The following LAMA3 variants were observed in gnomAD, a reference collection of about 807,000 sequenced individuals.
LAMA3 encodes laminin subunit alpha 3.
Under a neutral mutation model 402.0 loss-of-function variants are expected in LAMA3, and 281 were observed. The ratio of observed to expected loss-of-function variants is 0.70; its 90% CI spans 0.63 to 0.77. The LOEUF (loss-of-function observed/expected upper bound fraction) is 0.77, where lower values mean the gene tolerates loss of function less well. Among genes scored for constraint, LAMA3 ranks in the 30% least tolerant of loss-of-function variants. The pLI is 0.00. For synonymous variants in LAMA3, 1,431 were observed against 1,558.4 expected (o/e 0.92, Z 1.93); for missense variants, 3,840 against 4,215.5 (o/e 0.91, Z 2.47).
intron 38 of LAMA3, chr18:23,872,829 C>A: frequency 1.7e-6 from 1 of 581,134 alleles, no homozygotes; most frequent in Admixed American, 2.9e-5. Context: ...ATGCCCGCCC[C>A]ACCTCACAGG....
In LAMA3 at chr18:23,846,519, G is replaced by A. The variant is rs186148189; in HGVS notation, c.3931+11G>A. 205 of 1,600,102 alleles carry A rather than the reference G, an allele frequency of 1.3e-4. No individual in the cohort carries two copies. The highest frequency in any genetic ancestry group is 1.6e-4 in the Non-Finnish European group (183 of 1,178,420). The stretch of plus-strand genomic sequence containing the variant: ...TCCCACGCTGCAAGCGTAAGTGCAC[G>A]TTTCCCATCACCCAAGTTCTGCTCT... On this transcript the variant is annotated intron_variant, in intron 31 of 74. Coordinates refer to ENST00000313654, the MANE Select transcript of LAMA3 (RefSeq NM_198129.4).
intron 32 of LAMA3, 42 bp downstream of exon 32, chr18:23,847,710 G>A (rs921186887): frequency 1.9e-6 from 3 of 1,579,200 alleles, no homozygotes; most frequent in Non-Finnish European, 2.6e-6. Context: ...TCACAGGGAG[G>A]TCGCGTGCCA....
chr18:23,925,903 T>C (rs956331560), intron 62 of LAMA3, among the ~76,000 whole-genome samples: 1 of 152,216 alleles, frequency 6.6e-6, no homozygotes, highest in African/African-American at 2.4e-5. Flanking sequence ...AAGCAAGGGC[T>C]TCAAGCCTCA....
chr18:23,795,919 A>G (rs138600162), intron 12 of LAMA3: 2 of 190,864 alleles, frequency 1.0e-5, no homozygotes, highest in Non-Finnish European at 2.3e-5. Context: ...TTAAGGTTTA[A>G]TGAGGTCATA....
intron 68 of LAMA3, among the ~76,000 whole-genome samples, chr18:23,941,468 T>A (rs1052796698): frequency 1.3e-5 from 2 of 152,198 alleles, no homozygotes; most frequent in African/African-American, 4.8e-5. Flanking sequence ...AAAGGTAAAA[T>A]TTTTTAAAAA....
chr18:23,880,189 C>G (rs533911875), intron 39 of LAMA3, among the ~76,000 whole-genome samples: 68 of 152,242 alleles, frequency 4.5e-4, no homozygotes, highest in African/African-American at 1.3e-3. Context: ...GAAGATTGTT[C>G]CCAGTGTCCA....
rs772570198 is a variant in LAMA3, at chr18:23,833,902, A to G, written c.2898A>G (p.Ala966=). The change falls in exon 24 of 75, where the codon GCA becomes GCG. Residue 966 remains alanine, a synonymous_variant. Transcript: ENST00000313654. ...YVVVVEYSTE[A]AQLFVVDVNV... ...TTGTGGTCGAGTATTCCACGGAGGCAGCTCAGCTGTTTGTGGTTGATGTGA... is the reference window on the plus strand; with the variant it reads ...TTGTGGTCGAGTATTCCACGGAGGCGGCTCAGCTGTTTGTGGTTGATGTGA... The G allele has an allele frequency of 2.5e-6, 4 of 1,614,184 alleles. No homozygotes were observed. Among genetic ancestry groups the G allele is most frequent in the South Asian group, 2.2e-5 (2 of 91,082 alleles).
intron 2 of LAMA3, among the ~76,000 whole-genome samples, chr18:23,744,442 G>T (rs1179037055): frequency 6.6e-6 from 1 of 152,142 alleles, no homozygotes. Context: ...GCCATCAGTG[G>T]ACTTATTAAG....
intron 18 of LAMA3, among the ~76,000 whole-genome samples, chr18:23,819,346 A>G (rs998940409): frequency 2.0e-5 from 3 of 152,254 alleles, no homozygotes; most frequent in Non-Finnish European, 4.4e-5. Flanking sequence ...ATGATTAAAA[A>G]ATAACATATC....
At chr18:23,694,017 A>C (rs998104767) in intron 1 of LAMA3, among the ~76,000 whole-genome samples, 5 of 152,178 alleles carry the variant, frequency 3.3e-5, no homozygotes, top group African/African-American at 1.2e-4. Context: ...TTTGCAATAA[A>C]GAACTGTTTG....
chr18:23,762,469 G>A (rs908885687), intron 7 of LAMA3, among the ~76,000 whole-genome samples: 4 of 151,464 alleles, frequency 2.6e-5, no homozygotes, highest in Non-Finnish European at 5.9e-5. Flanking sequence ...GGTGCCTGTA[G>A]TCCCAGCTAC....
intron 2 of LAMA3, among the ~76,000 whole-genome samples, chr18:23,721,772 C>G (rs1389968094): frequency 6.6e-6 from 1 of 152,148 alleles, no homozygotes; most frequent in South Asian, 2.1e-4. Flanking sequence ...CATGATTAGT[C>G]CACCAGTCTT....
At chr18:23,812,981 G>A (rs1035330608) in intron 13 of LAMA3, 76 bp from the exon 14 acceptor site, 41 of 1,025,034 alleles carry the variant, frequency 4.0e-5, no homozygotes, top group African/African-American at 1.3e-4. Context: ...AAAACAAAAC[G>A]TTTAAAACTT....
At position 23,739,648 on chromosome 18, in the gene LAMA3, T is replaced by A. The variant is rs559638371; in HGVS notation, c.448-8295T>A. Reference sequence around the variant, plus strand: ...CATTATGAGTGCAGACCAGAAATGTTAACACTCTTTAGATAGAAGCATATT... The same window carrying A: ...CATTATGAGTGCAGACCAGAAATGTAAACACTCTTTAGATAGAAGCATATT... On this transcript the variant is annotated intron_variant, in intron 2 of 74. Transcript: ENST00000313654. 3.3e-5 allele frequency among the ~76,000 whole-genome samples: 5 copies of A among 152,328 alleles called. No individual in the cohort carries two copies. The South Asian group carries it at 6.2e-4, about 19-fold the overall frequency.
intron 12 of LAMA3, among the ~76,000 whole-genome samples, chr18:23,794,244 A>T (rs2062719975): frequency 6.6e-6 from 1 of 152,204 alleles, no homozygotes; most frequent in South Asian, 2.1e-4. Flanking sequence ...AGGTGGGGGA[A>T]GATTAGAGTC....
chr18:23,866,083 A>T (rs1360222785), intron 36 of LAMA3, among the ~76,000 whole-genome samples: 7 of 152,148 alleles, frequency 4.6e-5, no homozygotes. Flanking sequence ...TCCACCCACC[A>T]CTGAGGGGAC....
chr18:23,832,789 T>C (rs552825770), intron 23 of LAMA3, among the ~76,000 whole-genome samples: 2 of 152,316 alleles, frequency 1.3e-5, no homozygotes, highest in African/African-American at 2.4e-5. Flanking sequence ...AAATGAAGTA[T>C]ATTTGCATGT....
In LAMA3 at chr18:23,839,297, T is replaced by G. The variant is rs2063647742; in HGVS notation, c.3191+419T>G. Among the ~76,000 whole-genome samples, 1 of 152,236 alleles carries G rather than the reference T, an allele frequency of 6.6e-6. No individual in the cohort carries two copies. The highest frequency in any genetic ancestry group is 1.5e-5 in the Non-Finnish European group (1 of 68,044). ...TATTGGGGTTTTGGTAGGGTTGTTT[T>G]GCTGTAGATTCAAAAACAGCTTATG... On this transcript the variant is annotated intron_variant, in intron 26 of 74. Coordinates refer to ENST00000313654, the MANE Select transcript of LAMA3 (RefSeq NM_198129.4). This position sits in a 1 kb window ranked among gnomAD's most constrained non-coding sequence, Gnocchi z 4.5.
At chr18:23,823,661 T>C (rs1214237919) in intron 20 of LAMA3, among the ~76,000 whole-genome samples, 1 of 152,160 alleles carries the variant, frequency 6.6e-6, no homozygotes, top group Non-Finnish European at 1.5e-5. Flanking sequence ...GCCTGGCACA[T>C]AGTAGGCCCC....
Sources: allele counts gnomAD v4.1 joint callset (sites outside exome capture counted in the v4.1 genomes callset), GRCh38; gene constraint gnomAD v4.1.1; non-coding constraint Gnocchi (gnomAD v3.1); transcripts MANE v1.5; gene names NCBI Gene and HGNC (gene_info 2026-07-23, HGNC 2026-07-21).